LOC128462377: variants seen among roughly 807,000 people sequenced by gnomAD.
At chr16:89,317,217 C>T in the LOC128462377 span, 2 of 687,968 alleles carry the variant, frequency 2.9e-6, no homozygotes, top group East Asian at 5.4e-5. Context: ...GGGCCAGGCC[C>T]AGGAAGGGAC....
At chr16:89,358,047 T>C in the LOC128462377 span, among the ~76,000 whole-genome samples, 1 of 152,178 alleles carries the variant, frequency 6.6e-6, no homozygotes, top group Non-Finnish European at 1.5e-5. Context: ...TCTTACTGCT[T>C]TGAACAATGG....
chr16:89,324,340 C>A, the LOC128462377 span: 2 of 1,165,540 alleles, frequency 1.7e-6, no homozygotes, highest in Non-Finnish European at 1.1e-6. Context: ...GACGTGGGTG[C>A]CTCACAGAAG....
At chr16:89,384,305 T>A in the LOC128462377 span, among the ~76,000 whole-genome samples, 1 of 152,078 alleles carries the variant, frequency 6.6e-6, no homozygotes, top group Non-Finnish European at 1.5e-5. Flanking sequence ...CCGAGTTGGG[T>A]GGATCACCTG....
chr16:89,345,235 C>T, the LOC128462377 span, among the ~76,000 whole-genome samples: 1 of 152,004 alleles, frequency 6.6e-6, no homozygotes, highest in South Asian at 2.1e-4. Context: ...GGCAAAAAAA[C>T]ATATTACAAG....
chr16:89,385,945 C>A, the LOC128462377 span, among the ~76,000 whole-genome samples: 2 of 152,354 alleles, frequency 1.3e-5, no homozygotes, highest in South Asian at 4.1e-4. Flanking sequence ...CCAAACTTAG[C>A]ACACAGCGGA....
the LOC128462377 span, among the ~76,000 whole-genome samples, chr16:89,354,358 T>C: frequency 6.6e-6 from 1 of 152,116 alleles, no homozygotes; most frequent in East Asian, 1.9e-4. Context: ...AAAAATGATT[T>C]TACTAACATT....
At chr16:89,396,448 C>G in the LOC128462377 span, among the ~76,000 whole-genome samples, 2 of 152,188 alleles carry the variant, frequency 1.3e-5, no homozygotes, top group African/African-American at 4.8e-5. Context: ...AGCACAAACA[C>G]CTGCTGGGTT....
At chr16:89,338,253 T>G in the LOC128462377 span, among the ~76,000 whole-genome samples, 2 of 152,038 alleles carry the variant, frequency 1.3e-5, no homozygotes, top group Admixed American at 1.3e-4. Flanking sequence ...TGTGCTGCCA[T>G]GAGCGCCACA....
the LOC128462377 span, among the ~76,000 whole-genome samples, chr16:89,394,639 AAAAC>A: frequency 1.3e-5 from 2 of 151,954 alleles, no homozygotes; most frequent in African/African-American, 4.8e-5. Context: ...CAAAAAAAAA[AAAAC>A]AAACAACCTT....
At chr16:89,341,858 A>ACTG in the LOC128462377 span, among the ~76,000 whole-genome samples, 203 of 67,680 alleles carry the variant, frequency 3.0e-3, no homozygotes, top group African/African-American at 8.3e-3. Flanking sequence ...CTGCACCTCC[A>ACTG]CCCACAGCGG....
the LOC128462377 span, among the ~76,000 whole-genome samples, chr16:89,396,623 T>C: frequency 6.6e-6 from 1 of 152,202 alleles, no homozygotes; most frequent in Non-Finnish European, 1.5e-5. Context: ...CTGTCTTCTA[T>C]GAAGCCACAC....
At chr16:89,363,695 C>T in the LOC128462377 span, among the ~76,000 whole-genome samples, 10 of 152,134 alleles carry the variant, frequency 6.6e-5, no homozygotes, top group Non-Finnish European at 1.0e-4. Context: ...GTGGCCCAGG[C>T]CCCTGTGAAA....
the LOC128462377 span, among the ~76,000 whole-genome samples, chr16:89,378,623 T>C: frequency 1.3e-5 from 2 of 152,208 alleles, no homozygotes; most frequent in African/African-American, 4.8e-5. Flanking sequence ...AGTGCTCAAG[T>C]AGCTTCTCTT....
chr16:89,358,531 G>A, the LOC128462377 span, among the ~76,000 whole-genome samples: 2 of 152,094 alleles, frequency 1.3e-5, no homozygotes, highest in African/African-American at 4.8e-5. Context: ...TCATCACTAC[G>A]CATTGCATGC....
the LOC128462377 span, among the ~76,000 whole-genome samples, chr16:89,382,577 T>C: frequency 1.3e-5 from 2 of 152,028 alleles, no homozygotes; most frequent in African/African-American, 4.8e-5. Flanking sequence ...TCCACCTTGA[T>C]CCATCCACTT....
At chr16:89,329,704 A>G in the LOC128462377 span, among the ~76,000 whole-genome samples, 1 of 152,232 alleles carries the variant, frequency 6.6e-6, no homozygotes. Flanking sequence ...GGAATCATGC[A>G]TTTTACATCA....
the LOC128462377 span, among the ~76,000 whole-genome samples, chr16:89,356,861 TAAAC>T: frequency 6.7e-6 from 1 of 149,530 alleles, no homozygotes; most frequent in Non-Finnish European, 1.5e-5. Flanking sequence ...ATGCACATAA[TAAAC>T]AACAAAAGCC....
chr16:89,359,888 T>G, the LOC128462377 span, among the ~76,000 whole-genome samples: 1 of 152,062 alleles, frequency 6.6e-6, no homozygotes, highest in Non-Finnish European at 1.5e-5. Flanking sequence ...CAGCATCACA[T>G]AGTTTATATG....
At chr16:89,336,710 G>A in the LOC128462377 span, among the ~76,000 whole-genome samples, 7 of 152,174 alleles carry the variant, frequency 4.6e-5, no homozygotes, top group Admixed American at 2.6e-4. Context: ...CTAAAAGCAC[G>A]CCCTACAAGG....
Sources: gnomAD v4.1 joint callset for allele counts (sites outside exome capture counted in the v4.1 genomes callset) on GRCh38, gnomAD v4.1.1 for gene constraint, MANE v1.5 for transcripts.